The following GNL2 variants were observed in gnomAD, a reference collection of about 807,000 sequenced individuals.
The protein encoded by GNL2 is G protein nucleolar 2, also known as nucleolar GTP-binding protein 2.
GNL2 carries 51 observed loss-of-function variants against 92.3 expected under a neutral mutation model. The observed-to-expected ratio is 0.55, with a 90% CI of 0.44 to 0.70. The LOEUF (loss-of-function observed/expected upper bound fraction) is 0.70, where lower values mean the gene tolerates loss of function less well. GNL2 is among the 30% of genes least tolerant of loss of function. The pLI, the probability that GNL2 is intolerant of heterozygous loss-of-function variation, is 0.00. For missense variants in GNL2, 844 were observed against 895.6 expected (o/e 0.94, Z 0.74); for synonymous variants, 283 against 300.6 (o/e 0.94, Z 0.61).
chr1:37,595,239 G>A (rs1643914260), intron 1 of GNL2, among the ~76,000 whole-genome samples: 1 of 152,148 alleles, frequency 6.6e-6, no homozygotes, highest in African/African-American at 2.4e-5. Flanking sequence ...GTGGAACCTC[G>A]CCAAAACTTA....
At chr1:37,590,948 A>T in intron 3 of GNL2, 103 bp from the exon 4 acceptor site, 1 of 987,890 alleles carries the variant, frequency 1.0e-6, no homozygotes, top group Non-Finnish European at 1.5e-6. Context: ...CACTTACCCA[A>T]GCACCTGATC....
chr1:37,595,711 C>G (rs758937854), intron 1 of GNL2, 48 bp downstream of exon 1: 3 of 1,532,142 alleles, frequency 2.0e-6, no homozygotes, highest in Non-Finnish European at 2.7e-6. Context: ...GGAGCCCTTC[C>G]CTATACTTCC....
intron 1 of GNL2, among the ~76,000 whole-genome samples, chr1:37,594,530 T>C (rs554322946): frequency 6.6e-6 from 1 of 152,330 alleles, no homozygotes; most frequent in East Asian, 1.9e-4. Flanking sequence ...ACCTATTTAT[T>C]CATTTATTCA....
intron 8 of GNL2, among the ~76,000 whole-genome samples, chr1:37,580,730 G>T (rs897331098): frequency 1.3e-5 from 2 of 152,212 alleles, no homozygotes; most frequent in Non-Finnish European, 1.5e-5. Context: ...TGGAAGCTCT[G>T]ACAGTTCCCA....
In GNL2 at chr1:37,569,137, G is replaced by A. The variant is rs369422661; in HGVS notation, c.1582C>T (p.Arg528Ter). 9.3e-6 allele frequency: 15 copies of A among 1,614,116 alleles called. No individual in the cohort carries two copies. Among genetic ancestry groups the A allele is most frequent in the Non-Finnish European group, 1.3e-5 (15 of 1,180,010 alleles). Reference sequence around the variant, plus strand: ...ATTTTACCAAAGTTCTGCCGAACTCGTGTGAGAATCTGCTGCATCTCTGTG... The same window carrying A: ...ATTTTACCAAAGTTCTGCCGAACTCATGTGAGAATCTGCTGCATCTCTGTG... ...ANTEMQQILTRVRQNFGKINV... is the reference protein window; with the variant it reads ...ANTEMQQILT Residue 528 changes from arginine (R) to a stop codon, truncating the protein, a stop_gained, in exon 13 of 16, where the codon CGA (arginine) becomes TGA (stop). Transcript: ENST00000373062. LOFTEE classifies it high-confidence loss of function.
At chr1:37,585,478 C>T (rs1325848747) in intron 5 of GNL2, among the ~76,000 whole-genome samples, 1 of 152,160 alleles carries the variant, frequency 6.6e-6, no homozygotes, top group Non-Finnish European at 1.5e-5. Flanking sequence ...TGAATCACAA[C>T]CTATACTCCA....
At chr1:37,589,411 T>C (rs1372286580) in intron 4 of GNL2, among the ~76,000 whole-genome samples, 1 of 152,172 alleles carries the variant, frequency 6.6e-6, no homozygotes, top group Non-Finnish European at 1.5e-5. Flanking sequence ...TTCATATCAT[T>C]CTCCTGCCTC....
chr1:37,572,226 G>A (rs918548779), intron 12 of GNL2, among the ~76,000 whole-genome samples: 4 of 152,010 alleles, frequency 2.6e-5, no homozygotes, highest in African/African-American at 9.7e-5. Context: ...TCTGCCTACT[G>A]TCTCCCTGTG....
At chr1:37,568,727 AC>A (rs1469864457) in intron 13 of GNL2, 123 bp downstream of exon 13, 1 of 757,912 alleles carries the variant, frequency 1.3e-6, no homozygotes, top group Non-Finnish European at 2.3e-6. Flanking sequence ...AAACAAACAA[AC>A]AAAAAACCCA....
At position 37,568,998 on chromosome 1, in the gene GNL2, C is replaced by G. The variant is rs758968192; in HGVS notation, c.1721G>C (p.Arg574Thr). 1 of 1,614,208 alleles carries G rather than the reference C, an allele frequency of 6.2e-7. No homozygotes were observed. Among genetic ancestry groups the G allele is most frequent in the Non-Finnish European group, 8.5e-7 (1 of 1,180,022 alleles). ...CGAGGAAGACTCTTCCGCATCATCT[C>G]TTTGTTGCTCCTGTTCCTCCTCCTC... ...DEEEEEQEQQRDDAEESSSEP... is the reference protein window; with the variant it reads ...DEEEEEQEQQTDDAEESSSEP... The change falls in exon 13 of 16, where the codon AGA becomes ACA. Residue 574 changes from arginine to threonine, a missense_variant. Coordinates refer to ENST00000373062, the MANE Select transcript of GNL2 (RefSeq NM_013285.3).
chr1:37,585,248 T>A (rs984296372), intron 5 of GNL2, among the ~76,000 whole-genome samples: 1 of 151,576 alleles, frequency 6.6e-6, no homozygotes, highest in Non-Finnish European at 1.5e-5. Flanking sequence ...TAGTAGGGAC[T>A]GGGTTTCACC....
chr1:37,590,886 T>G (rs1159301156), intron 3 of GNL2, 41 bp from the exon 4 acceptor site: 1 of 1,501,524 alleles, frequency 6.7e-7, no homozygotes, highest in Admixed American at 2.1e-5. Context: ...AGTTAATATT[T>G]GCGCATCCAT....
At chr1:37,588,277 T>C (rs1042950303) in intron 4 of GNL2, among the ~76,000 whole-genome samples, 3 of 143,810 alleles carry the variant, frequency 2.1e-5, no homozygotes, top group African/African-American at 7.7e-5. Context: ...TGCAGACAAT[T>C]AAAAAAAAAA....
In GNL2 at chr1:37,582,841, T is replaced by C. The variant is rs1643793423; in HGVS notation, c.732A>G (p.Glu244=). 8 of 1,613,910 alleles carry C rather than the reference T, an allele frequency of 5.0e-6. No individual in the cohort carries two copies. Among genetic ancestry groups the C allele is most frequent in the Non-Finnish European group, 5.1e-6 (6 of 1,179,802 alleles). The change falls in exon 7 of 16, where the codon GAA becomes GAG. Residue 244 remains glutamate (E), a synonymous_variant. Coordinates refer to ENST00000373062, the MANE Select transcript of GNL2 (RefSeq NM_013285.3). Reference sequence around the variant, plus strand: ...CAAAAATGAGGTGTTTCCAAGGTTTTTCCTTCTTCAGGTAAGTTTCAATGT... The same window carrying C: ...CAAAAATGAGGTGTTTCCAAGGTTTCTCCTTCTTCAGGTAAGTTTCAATGT... The part of the protein sequence containing the change: ...SPHIETYLKK[E]KPWKHLIFVL...
intron 8 of GNL2, among the ~76,000 whole-genome samples, 169 bp downstream of exon 8, chr1:37,582,054 G>A (rs1643778507): frequency 6.6e-6 from 1 of 151,942 alleles, no homozygotes; most frequent in African/African-American, 2.4e-5. Context: ...TTGATCTCCT[G>A]GGCTCCAGCA....
chr1:37,587,268 A>T, intron 5 of GNL2, 43 bp downstream of exon 5: 1 of 1,373,086 alleles, frequency 7.3e-7, no homozygotes, highest in South Asian at 1.4e-5. Context: ...CTCCATCTCA[A>T]AAAAAAAAAA....
intron 5 of GNL2, 32 bp downstream of exon 5, chr1:37,587,279 A>AC (rs397935144): frequency 1.3e-6 from 2 of 1,501,938 alleles, no homozygotes; most frequent in South Asian, 1.2e-5. Context: ...AAAAAAAAAA[A>AC]CAAAAACAAA....
chr1:37,580,946 C>T (rs1183700308), intron 8 of GNL2, among the ~76,000 whole-genome samples: 1 of 152,140 alleles, frequency 6.6e-6, no homozygotes, highest in Non-Finnish European at 1.5e-5. Flanking sequence ...GAGTGGCCAC[C>T]CTGCAGGCTG....
At chr1:37,581,649 A>C in intron 8 of GNL2, 1 of 382,396 alleles carries the variant, frequency 2.6e-6, no homozygotes, top group South Asian at 1.9e-5. Context: ...GAGTTTTTAC[A>C]TCTCTGGAAG....
Sources: gnomAD v4.1 joint callset for allele counts (sites outside exome capture counted in the v4.1 genomes callset) on GRCh38, gnomAD v4.1.1 for gene constraint, MANE v1.5 for transcripts, NCBI Gene and HGNC (gene_info 2026-07-23, HGNC 2026-07-21) for gene names.